The following CUBN variants were observed in gnomAD, a reference collection of about 807,000 sequenced individuals.
The protein encoded by CUBN is cubilin.
In CUBN, 282 loss-of-function variants were observed where a neutral mutation model predicts 405.3. The ratio of observed to expected loss-of-function variants is 0.70; its 90% CI spans 0.63 to 0.77. CUBN has a LOEUF of 0.77. CUBN is among the 30% of genes least tolerant of loss of function. The pLI is 0.00. For missense variants in CUBN, 4,514 were observed against 4,475.2 expected (o/e 1.01, Z -0.25); for synonymous variants, 1,684 against 1,617.0 (o/e 1.04, Z -0.99).
At chr10:16,911,258 A>G (rs1841723119) in intron 48 of CUBN, among the ~76,000 whole-genome samples, 1 of 152,308 alleles carries the variant, frequency 6.6e-6, no homozygotes, top group Admixed American at 6.5e-5. Context: ...GCCATACTAC[A>G]CTACTTGGCT....
chr10:17,109,206 C>G (rs1335388171), intron 10 of CUBN, among the ~76,000 whole-genome samples: 4 of 152,144 alleles, frequency 2.6e-5, no homozygotes, highest in African/African-American at 4.8e-5. Flanking sequence ...CACCCTAGAT[C>G]TATTTTCTAC....
intron 9 of CUBN, among the ~76,000 whole-genome samples, chr10:17,110,630 C>T (rs757986131): frequency 4.6e-5 from 7 of 152,234 alleles, no homozygotes; most frequent in Middle Eastern, 6.8e-3. Context: ...CAGGTTCAAG[C>T]GATTCTCGTG....
intron 31 of CUBN, among the ~76,000 whole-genome samples, chr10:16,982,232 A>C (rs1833295448): frequency 6.6e-6 from 1 of 152,230 alleles, no homozygotes. Flanking sequence ...AAGTAACAAC[A>C]AAATGAAAAG....
chr10:17,092,546 C>T (rs1457454130), intron 14 of CUBN, among the ~76,000 whole-genome samples: 1 of 152,134 alleles, frequency 6.6e-6, no homozygotes, highest in Non-Finnish European at 1.5e-5. Flanking sequence ...AGAAGGCAGT[C>T]AAACACCACC....
intron 30 of CUBN, 145 bp downstream of exon 30, chr10:16,983,959 AG>A: frequency 1.2e-6 from 1 of 812,774 alleles, no homozygotes; most frequent in South Asian, 1.5e-5. Context: ...ATTTTAGGGA[AG>A]GGTATATGTC....
chr10:16,926,837 ATCT>A (rs773107312), intron 41 of CUBN, among the ~76,000 whole-genome samples: 2,490 of 151,646 alleles, frequency 0.016, 73 homozygotes, highest in African/African-American at 0.054. Flanking sequence ...CTATCTATCT[ATCT>A]ATCTAGTCTA....
chr10:16,827,358 T>C (rs1336484916), intron 66 of CUBN, among the ~76,000 whole-genome samples: 4 of 152,188 alleles, frequency 2.6e-5, no homozygotes, highest in Non-Finnish European at 5.9e-5. Context: ...TATATGCAAA[T>C]ATATTCAAAG....
chr10:17,046,013 G>A lies in CUBN; in HGVS notation c.3411C>T (p.Asn1137=), dbSNP rs1835123453. 2 of 1,612,832 alleles carry A rather than the reference G, an allele frequency of 1.2e-6. No individual in the cohort carries two copies. Among genetic ancestry groups the A allele is most frequent in the Non-Finnish European group, 1.7e-6 (2 of 1,178,996 alleles). Residue 1137 remains asparagine (N), a synonymous_variant, in exon 24 of 67, where the codon AAC becomes AAT. Coordinates refer to ENST00000377833, the MANE Select transcript of CUBN (RefSeq NM_001081.4). ...CACTCTTAAATTTTAACCATAGTTTGTTACTATGAGAGATGATTGTTGGGG... is the reference window on the plus strand; with the variant it reads ...CACTCTTAAATTTTAACCATAGTTTATTACTATGAGAGATGATTGTTGGGG... ...NLPPTIISHS[N]KLWLKFKSDQ...
intron 31 of CUBN, among the ~76,000 whole-genome samples, chr10:16,980,632 G>A (rs930496050): frequency 6.6e-6 from 1 of 152,122 alleles, no homozygotes; most frequent in Non-Finnish European, 1.5e-5. Flanking sequence ...GTAAGTGGGA[G>A]TTGAACAATG....
intron 49 of CUBN, 115 bp downstream of exon 49, chr10:16,907,393 A>G (rs1229193911): frequency 4.6e-6 from 5 of 1,093,604 alleles, no homozygotes; most frequent in Non-Finnish European, 6.9e-6. Flanking sequence ...CTTATGTCAA[A>G]GATTTCAAGT....
chr10:17,065,435 C>G, intron 22 of CUBN, 73 bp downstream of exon 22: 1 of 1,584,350 alleles, frequency 6.3e-7, no homozygotes, highest in South Asian at 1.1e-5. Context: ...GATGTATTCT[C>G]ATTGTGTTTT....
intron 15 of CUBN, 111 bp from the exon 16 acceptor site, chr10:17,085,870 G>C: frequency 9.7e-7 from 1 of 1,033,870 alleles, no homozygotes; most frequent in South Asian, 1.4e-5. Context: ...ATCGCTCAAG[G>C]AAGTTTCCCC....
chr10:17,065,489 T>C lies in CUBN; in HGVS notation c.3139+19A>G, dbSNP rs368500231. ...GCAATGGAGTCAATAAAACCGAGTA[T>C]GCAATGCTGTTTTGTTACCTGTTGC... On this transcript the variant is annotated intron_variant, in intron 22 of 66. Transcript: ENST00000377833. 15 of 1,612,424 alleles carry C rather than the reference T, an allele frequency of 9.3e-6. No individual in the cohort carries two copies. Among genetic ancestry groups the C allele is most frequent in the African/African-American group, 1.3e-5 (1 of 74,852 alleles).
At chr10:17,001,409 T>C (rs1486630732) in intron 28 of CUBN, among the ~76,000 whole-genome samples, 1 of 152,220 alleles carries the variant, frequency 6.6e-6, no homozygotes, top group Non-Finnish European at 1.5e-5. Flanking sequence ...TACAGAGTGC[T>C]GATTGGTCCG....
intron 3 of CUBN, 71 bp from the exon 4 acceptor site, chr10:17,126,870 A>G: frequency 6.6e-7 from 1 of 1,511,866 alleles, no homozygotes; most frequent in Non-Finnish European, 9.2e-7. Flanking sequence ...TATATCCTTG[A>G]CATATTGTCC....
chr10:16,948,697 A>C, intron 34 of CUBN, 91 bp from the exon 35 acceptor site: 1 of 1,537,350 alleles, frequency 6.5e-7, no homozygotes, highest in Non-Finnish European at 8.9e-7. Context: ...GAATTACAAG[A>C]GACCAAAACA....
In CUBN at chr10:16,982,721, G is replaced by C; in HGVS notation, c.4526-68C>G. The C allele has an allele frequency of 2.2e-6, 3 of 1,366,540 alleles. No homozygotes were observed. The East Asian group carries it at 7.2e-5, about 33-fold the overall frequency. The allele number at this position is 1,366,540 out of a possible 1,614,324, so 84.7% of individuals were successfully genotyped here. A position where few individuals can be genotyped will look rare whatever the true frequency, so the allele number is the denominator to read the frequency against. ...ATGCTCGAAAATAATCCATTACCTG[G>C]TTGTATAGATCAATACATTACTTTG... On this transcript the variant is annotated intron_variant, in intron 30 of 66. Transcript: ENST00000377833.
rs57335729 is a variant in CUBN, at chr10:17,110,931, C to G, written c.1003G>C (p.Ala335Pro). 8 of 1,614,190 alleles carry G rather than the reference C, an allele frequency of 5.0e-6. No homozygotes were observed. In the Admixed American group the frequency reaches 1.0e-4, roughly 20 times the overall value. ...ACCGAGGCAGCACCTGGTGGACAGG[C>G]CTGGCAGTGGGAAGACCCAGGTGTA... ...VNTPGSSHCQ[A>P]CPPGYQGDGR... The change falls in exon 9 of 67, where the codon GCC (alanine) becomes CCC (proline). Residue 335 changes from alanine (A) to proline (P), a missense_variant. By Grantham distance (27) the Ala-to-Pro change is conservative (BLOSUM62 -1). Transcript: ENST00000377833.
intron 66 of CUBN, among the ~76,000 whole-genome samples, chr10:16,825,584 T>C (rs1320741814): frequency 6.6e-6 from 1 of 152,080 alleles, no homozygotes; most frequent in Non-Finnish European, 1.5e-5. Context: ...TCAGTGTTTA[T>C]AGTTTTTCCT....
Sources: allele counts gnomAD v4.1 joint callset (sites outside exome capture counted in the v4.1 genomes callset), GRCh38; gene constraint gnomAD v4.1.1; transcripts MANE v1.5; gene names NCBI Gene and HGNC (gene_info 2026-07-23, HGNC 2026-07-21).